Variants in TLE1 observed in about 807,000 individuals in gnomAD.
TLE1 encodes the protein transducin-like enhancer protein 1.
TLE1 carries 21 observed loss-of-function variants against 89.8 expected under a neutral mutation model. The observed-to-expected ratio is 0.23, with a 90% CI of 0.17 to 0.34. TLE1 has a LOEUF of 0.34. TLE1 is among the 10% of genes least tolerant of loss of function. The pLI is 1.00. For synonymous variants in TLE1, 447 were observed against 407.6 expected, an observed-to-expected ratio of 1.10 and a Z score of -1.16; for missense variants, 795 against 1,031.2, an observed-to-expected ratio of 0.77 and a Z score of 3.14.
chr9:81,675,708 G>GTTTTTTTTTTGTTTTTTTTTTTT (rs1832808696), intron 4 of TLE1, among the ~76,000 whole-genome samples: 1 of 132,440 alleles, frequency 7.6e-6, no homozygotes, highest in African/African-American at 3.0e-5. Flanking sequence ...GTTTTTTTTT[G>GTTTTTTTTTTGTTTTTTTTTTTT]TTTTTTTTTT....
At chr9:81,665,745 G>C (rs997484635) in intron 4 of TLE1, among the ~76,000 whole-genome samples, 1 of 152,088 alleles carries the variant, frequency 6.6e-6, no homozygotes, top group Non-Finnish European at 1.5e-5. Flanking sequence ...CTTGAGTGTG[G>C]GGCCCATCAA....
At position 81,652,303 on chromosome 9, in the gene TLE1, A is replaced by C; in HGVS notation, c.298-15T>G. 2 of 1,612,186 alleles carry C rather than the reference A, an allele frequency of 1.2e-6. No individual in the cohort carries two copies. The highest frequency in any genetic ancestry group is 1.7e-6 in the Non-Finnish European group (2 of 1,178,690). ...TGTTGTTGATGCTTTGAAAACAAGG[A>C]GAAGAAAGGGCATTAGCAACAGCCA... On this transcript the variant is annotated splice_polypyrimidine_tract_variant and intron_variant, in intron 5 of 19. Transcript: ENST00000376499.
Position 81,652,242 on chromosome 9 carries a change from G to T in TLE1, c.344C>A (p.Thr115Asn), listed in dbSNP as rs748328111. 1.9e-6 allele frequency: 3 copies of T among 1,614,018 alleles called. No homozygotes were observed. The highest frequency in any genetic ancestry group is 1.7e-6 in the Non-Finnish European group (2 of 1,179,986). The change falls in exon 6 of 20, where the codon ACC becomes AAC. Residue 115 changes from threonine to asparagine, a missense_variant. Physicochemically the swap from Thr to Asn is moderately conservative, Grantham distance 65 (BLOSUM62 0). Coordinates refer to ENST00000376499, the MANE Select transcript of TLE1 (RefSeq NM_005077.5). Reference sequence around the variant, plus strand: ...GATGATGGCATTCAATTCTGCCATGGTCACCTGTTTGGCACGTTCAACAGC... The same window carrying T: ...GATGATGGCATTCAATTCTGCCATGTTCACCTGTTTGGCACGTTCAACAGC... ...AQAVERAKQV[T>N]MAELNAIIGQ...
At chr9:81,624,706 T>C (rs543104610) in intron 8 of TLE1, among the ~76,000 whole-genome samples, 1 of 152,314 alleles carries the variant, frequency 6.6e-6, no homozygotes, top group East Asian at 1.9e-4. Context: ...CTTTAAATGT[T>C]GGGCAGACTT....
chr9:81,675,486 AC>A (rs566299061), intron 4 of TLE1, among the ~76,000 whole-genome samples: 56 of 151,612 alleles, frequency 3.7e-4, no homozygotes, highest in African/African-American at 1.3e-3. Context: ...TTCACACCAA[AC>A]CTAGGCCCCA....
chr9:81,641,336 GT>G (rs1828089384), intron 6 of TLE1, among the ~76,000 whole-genome samples: 1 of 152,164 alleles, frequency 6.6e-6, no homozygotes, highest in South Asian at 2.1e-4. Flanking sequence ...CTCCCATTAT[GT>G]GAATGGCCTC....
At chr9:81,668,454 T>C (rs1255894490) in intron 4 of TLE1, among the ~76,000 whole-genome samples, 1 of 152,132 alleles carries the variant, frequency 6.6e-6, no homozygotes, top group African/African-American at 2.4e-5. Context: ...TCACAGAATA[T>C]TGACTCACCC....
chr9:81,671,344 T>C (rs118046135), intron 4 of TLE1, among the ~76,000 whole-genome samples: 2,882 of 151,892 alleles, frequency 0.019, 62 homozygotes, highest in Middle Eastern at 0.037. Flanking sequence ...CGAAACCCTG[T>C]CTCTATTTAA....
intron 6 of TLE1, among the ~76,000 whole-genome samples, chr9:81,650,098 C>T (rs544082845): frequency 1.3e-5 from 2 of 152,324 alleles, no homozygotes; most frequent in East Asian, 3.9e-4. Context: ...CCAAGGCATC[C>T]AGAGCTAACC....
At chr9:81,647,162 CAA>C (rs1828956062) in intron 6 of TLE1, among the ~76,000 whole-genome samples, 1 of 152,140 alleles carries the variant, frequency 6.6e-6, no homozygotes, top group Non-Finnish European at 1.5e-5. Context: ...TCTGAGGCCA[CAA>C]ATAGAAACCT....
intron 6 of TLE1, 126 bp from the exon 7 acceptor site, chr9:81,634,427 G>A: frequency 1.3e-6 from 1 of 744,448 alleles, no homozygotes; most frequent in Non-Finnish European, 2.0e-6. Context: ...AAACAGAACA[G>A]GAGGTTCAAC....
intron 2 of TLE1, among the ~76,000 whole-genome samples, chr9:81,686,165 T>C (rs531882314): frequency 6.6e-6 from 1 of 152,306 alleles, no homozygotes; most frequent in South Asian, 2.1e-4. Context: ...CTCTAACTGA[T>C]TCCTCCTCAT....
At chr9:81,686,023 C>T in intron 2 of TLE1, 127 bp from the exon 3 acceptor site, 2 of 896,050 alleles carry the variant, frequency 2.2e-6, no homozygotes, top group Non-Finnish European at 3.5e-6. Flanking sequence ...TCTAGGTAAA[C>T]ACCCAAAAGC....
chr9:81,612,397 G>A (rs1823832716), intron 12 of TLE1: 1 of 986,942 alleles, frequency 1.0e-6, no homozygotes, highest in Non-Finnish European at 1.2e-6. Flanking sequence ...TCCAATCCTG[G>A]ATTTACGTAA....
intron 6 of TLE1, 170 bp downstream of exon 6, chr9:81,652,044 T>A: frequency 1.7e-6 from 1 of 579,176 alleles, no homozygotes. Flanking sequence ...CCATATACCT[T>A]AGCACATCCC....
chr9:81,644,412 G>A (rs557481909), intron 6 of TLE1, among the ~76,000 whole-genome samples: 10 of 152,226 alleles, frequency 6.6e-5, no homozygotes, highest in East Asian at 5.8e-4. Flanking sequence ...CTGGTGATAC[G>A]ACAACATGGA....
intron 4 of TLE1, among the ~76,000 whole-genome samples, chr9:81,681,506 T>C (rs930974919): frequency 6.6e-6 from 1 of 150,820 alleles, no homozygotes; most frequent in Non-Finnish European, 1.5e-5. Flanking sequence ...GCCGAGACTG[T>C]GCCACCACAC....
chr9:81,612,895 T>A (rs1396343494), intron 12 of TLE1, among the ~76,000 whole-genome samples: 1 of 152,190 alleles, frequency 6.6e-6, no homozygotes, highest in Non-Finnish European at 1.5e-5. Flanking sequence ...CCGTCTCTAC[T>A]AAAAATACAA....
At chr9:81,663,622 C>CT (rs35562910) in intron 4 of TLE1, among the ~76,000 whole-genome samples, 10,551 of 134,664 alleles carry the variant, frequency 0.078, 833 homozygotes, top group African/African-American at 0.19. Context: ...ACAGAATAGA[C>CT]TTTTTTTTTT....
Sources: gnomAD v4.1 joint callset for allele counts (sites outside exome capture counted in the v4.1 genomes callset) on GRCh38, gnomAD v4.1.1 for gene constraint, MANE v1.5 for transcripts, NCBI Gene and HGNC (gene_info 2026-07-23, HGNC 2026-07-21) for gene names.